KIF4A: variants seen among roughly 807,000 people sequenced by gnomAD.
KIF4A encodes chromosome-associated kinesin KIF4A.
In KIF4A, 7 loss-of-function variants were observed where a neutral mutation model predicts 105.9. The observed-to-expected ratio is 0.07, with a 90% CI of 0.04 to 0.12. The LOEUF (loss-of-function observed/expected upper bound fraction) is 0.12, where lower values mean the gene tolerates loss of function less well. KIF4A is among the 10% of genes least tolerant of loss of function. KIF4A has a pLI of 1.00. For synonymous variants in KIF4A, 281 were observed against 331.3 expected (o/e 0.85, Z 1.65); for missense variants, 558 against 929.2 (o/e 0.60, Z 5.19).
chrX:70,301,316 G>C (rs1255616489), intron 5 of KIF4A, among the ~76,000 whole-genome samples: 1 of 111,382 alleles, frequency 9.0e-6, no homozygotes, highest in East Asian at 2.8e-4. Context: ...ATAGCATATT[G>C]GAGCTAGAAA....
At chrX:70,379,982 C>G (rs1400816430) in intron 18 of KIF4A, among the ~76,000 whole-genome samples, 1 of 110,899 alleles carries the variant, frequency 9.0e-6, no homozygotes, top group African/African-American at 3.3e-5. Flanking sequence ...CAACAAAATT[C>G]TAGCAAACTA....
rs775179005 is a variant in KIF4A, at chrX:70,353,105, T to C, written c.1488+449T>C. Among the ~76,000 whole-genome samples the C allele has an allele frequency of 2.7e-5, 3 of 112,230 alleles. No homozygotes were observed. In the South Asian group the frequency reaches 1.1e-3, roughly 41 times the overall value. ...AATTTAAGTGTTCAGATCACAAGGATAGATAAAATGTGTTAGATGTTGACT... is the reference window on the plus strand; with the variant it reads ...AATTTAAGTGTTCAGATCACAAGGACAGATAAAATGTGTTAGATGTTGACT... On this transcript the variant is annotated intron_variant, in intron 14 of 30. Transcript: ENST00000374403.
intron 7 of KIF4A, among the ~76,000 whole-genome samples, chrX:70,319,324 A>G (rs1397060416): frequency 8.9e-6 from 1 of 112,088 alleles, no homozygotes; most frequent in Non-Finnish European, 1.9e-5. Flanking sequence ...TATTTTTTCT[A>G]TATTATCTAA....
chrX:70,391,434 T>A (rs1325164216), intron 20 of KIF4A, among the ~76,000 whole-genome samples: 2 of 111,670 alleles, frequency 1.8e-5, no homozygotes, highest in Non-Finnish European at 3.8e-5. Flanking sequence ...ATAGGAGTGG[T>A]GAGAATAGAC....
At chrX:70,382,828 G>C (rs931859440) in intron 18 of KIF4A, among the ~76,000 whole-genome samples, 1 of 108,851 alleles carries the variant, frequency 9.2e-6, no homozygotes, top group Middle Eastern at 4.8e-3. Flanking sequence ...CCAGTCCATA[G>C]ATTGGGAGGA....
intron 15 of KIF4A, among the ~76,000 whole-genome samples, chrX:70,365,367 T>C (rs1289189629): frequency 2.7e-5 from 3 of 111,695 alleles, no homozygotes; most frequent in African/African-American, 9.8e-5. Context: ...CAGTATGATA[T>C]TGGCTGTGGG....
intron 15 of KIF4A, among the ~76,000 whole-genome samples, chrX:70,363,490 C>T (rs1189046343): frequency 9.0e-6 from 1 of 110,955 alleles, no homozygotes; most frequent in Non-Finnish European, 1.9e-5. Flanking sequence ...TGAGAATATG[C>T]AGTGTTTGGT....
chrX:70,341,651 T>G lies in KIF4A; in HGVS notation c.1134-148T>G, dbSNP rs61094496. ...ACCTGACTAGGAGGATAGATTGGGT[T>G]GGACACACTTTTCCCAGACTTTTGT... On this transcript the variant is annotated intron_variant, in intron 10 of 30. Transcript: ENST00000374403. 5.5e-3 allele frequency: 2,740 copies of G among 495,344 alleles called. 63 individuals are homozygous for G. In the African/African-American group the frequency reaches 0.059, roughly 11 times the overall value. 40.8% of individuals were successfully genotyped at this position (495,344 alleles called of 1,213,427 possible). A position where few individuals can be genotyped will look rare whatever the true frequency, so the allele number is the denominator to read the frequency against.
intron 18 of KIF4A, among the ~76,000 whole-genome samples, chrX:70,383,174 G>A (rs1176123971): frequency 7.2e-5 from 7 of 96,959 alleles, no homozygotes; most frequent in African/African-American, 2.7e-4. Flanking sequence ...GCAATAGAGT[G>A]AGACTCCATC....
intron 15 of KIF4A, among the ~76,000 whole-genome samples, chrX:70,358,988 C>T (rs1312720495): frequency 1.8e-5 from 2 of 111,672 alleles, no homozygotes; most frequent in African/African-American, 3.3e-5. Flanking sequence ...CTGTTAGGTT[C>T]GGCCTCTCCA....
chrX:70,371,506 G>A (rs1038593497), intron 15 of KIF4A, among the ~76,000 whole-genome samples: 1 of 111,900 alleles, frequency 8.9e-6, no homozygotes, highest in African/African-American at 3.2e-5. Context: ...CTCCCAGACG[G>A]GGTGGTGGCC....
intron 16 of KIF4A, 113 bp from the exon 17 acceptor site, chrX:70,375,091 C>T: frequency 1.2e-6 from 1 of 823,269 alleles, no homozygotes. Flanking sequence ...GGCTATGTGA[C>T]TAGTCACCTA....
intron 7 of KIF4A, among the ~76,000 whole-genome samples, chrX:70,327,504 A>C (rs909824176): frequency 9.0e-6 from 1 of 110,695 alleles, no homozygotes; most frequent in Non-Finnish European, 1.9e-5. Flanking sequence ...ATAGCAAAAG[A>C]ATGAATGTGA....
chrX:70,338,851 C>T (rs962574368), intron 10 of KIF4A, among the ~76,000 whole-genome samples: 2 of 110,857 alleles, frequency 1.8e-5, no homozygotes, highest in Admixed American at 9.6e-5. Flanking sequence ...TTTGGGAGGC[C>T]GAGGTGGGCG....
At chrX:70,321,736 C>G (rs1341404510) in intron 7 of KIF4A, among the ~76,000 whole-genome samples, 1 of 111,085 alleles carries the variant, frequency 9.0e-6, no homozygotes, top group Non-Finnish European at 1.9e-5. Context: ...TACTACTGCT[C>G]TCCTCCCTTT....
intron 28 of KIF4A, among the ~76,000 whole-genome samples, chrX:70,408,394 G>A (rs1033448805): frequency 1.8e-5 from 2 of 111,762 alleles, no homozygotes; most frequent in Non-Finnish European, 3.8e-5. Context: ...GGAACAATCC[G>A]ACTTAGGCAT....
intron 10 of KIF4A, among the ~76,000 whole-genome samples, chrX:70,338,494 C>T (rs183366446): frequency 1.1e-4 from 12 of 112,011 alleles, no homozygotes; most frequent in African/African-American, 2.3e-4. Context: ...CCCTTTCTTG[C>T]GTAATAGTAC....
intron 13 of KIF4A, among the ~76,000 whole-genome samples, chrX:70,347,725 C>T (rs1370618026): frequency 8.5e-5 from 9 of 105,320 alleles, no homozygotes; most frequent in Admixed American, 3.1e-4. Flanking sequence ...CCTGTAATCC[C>T]AGCACTTTGG....
intron 26 of KIF4A, 131 bp from the exon 27 acceptor site, chrX:70,406,128 A>T (rs970733422): frequency 1.8e-6 from 1 of 550,474 alleles, no homozygotes; most frequent in Middle Eastern, 4.8e-4. Flanking sequence ...GAGTCAACGT[A>T]CTCTACTATA....
Sources: gnomAD v4.1 joint callset for allele counts (sites outside exome capture counted in the v4.1 genomes callset) on GRCh38, gnomAD v4.1.1 for gene constraint, MANE v1.5 for transcripts, NCBI Gene and HGNC (gene_info 2026-07-23, HGNC 2026-07-21) for gene names.